AMDHD2: variants seen among roughly 807,000 people sequenced by gnomAD.
AMDHD2 encodes N-acetylglucosamine-6-phosphate deacetylase.
Under a neutral mutation model 41.8 loss-of-function variants are expected in AMDHD2, and 24 were observed. The ratio of observed to expected loss-of-function variants is 0.57; its 90% CI spans 0.42 to 0.81. The LOEUF is 0.81. AMDHD2 is among the 30% of genes least tolerant of loss of function. The pLI, the probability that AMDHD2 is intolerant of heterozygous loss-of-function variation, is 0.00. For missense variants in AMDHD2, 540 were observed against 588.5 expected (o/e 0.92, Z 0.85); for synonymous variants, 332 against 255.5 (o/e 1.30, Z -2.85).
chr16:2,523,973 C>A (rs553859320), intron 3 of AMDHD2, among the ~76,000 whole-genome samples: 1 of 152,230 alleles, frequency 6.6e-6, no homozygotes, highest in African/African-American at 2.4e-5. Context: ...GGCTCTTCTT[C>A]CTTAGGAAGA....
chr16:2,521,209 C>A (rs1048252037), intron 3 of AMDHD2, 86 bp downstream of exon 3: 7 of 1,409,038 alleles, frequency 5.0e-6, no homozygotes, highest in Non-Finnish European at 6.5e-6. Flanking sequence ...CACCCCCCAC[C>A]CCCAGCACGT....
Position 2,530,671 on chromosome 16 carries a change from A to G in AMDHD2, c.*1108A>G. The G allele has an allele frequency of 6.2e-7, 1 of 1,614,118 alleles. No individual in the cohort carries two copies. Among genetic ancestry groups the G allele is most frequent in the Non-Finnish European group, 8.5e-7 (1 of 1,180,006 alleles). On this transcript the variant is annotated 3_prime_UTR_variant, in exon 11 of 11. Coordinates refer to ENST00000293971, the MANE Select transcript of AMDHD2 (RefSeq NM_001330449.2). Reference sequence around the variant, plus strand: ...AAAGCCCAGTTAAGGAAATGTCTCCAGGTCCAAAGAGATAGGATGGTCTGG... The same window carrying G: ...AAAGCCCAGTTAAGGAAATGTCTCCGGGTCCAAAGAGATAGGATGGTCTGG...
At chr16:2,522,050 C>T (rs903100440) in intron 3 of AMDHD2, among the ~76,000 whole-genome samples, 1 of 152,078 alleles carries the variant, frequency 6.6e-6, no homozygotes, top group South Asian at 2.1e-4. Context: ...TCCCAAAGTG[C>T]TGGGATTACA....
At chr16:2,524,890 G>A (rs1287948713) in intron 3 of AMDHD2, among the ~76,000 whole-genome samples, 2 of 151,754 alleles carry the variant, frequency 1.3e-5, no homozygotes, top group African/African-American at 4.8e-5. Flanking sequence ...ATTGTGATGA[G>A]AATACCTGTG....
In AMDHD2 at chr16:2,527,983, T is replaced by C; in HGVS notation, c.626T>C (p.Leu209Pro). The C allele has an allele frequency of 6.2e-7, 1 of 1,606,352 alleles. No homozygotes were observed. The highest frequency in any genetic ancestry group is 1.1e-5 in the South Asian group (1 of 91,024). The change falls in exon 5 of 11, where the codon CTA becomes CCA. Residue 209 changes from leucine (L) to proline (P), a missense_variant and splice_region_variant. Transcript: ENST00000293971. This position sits in a 1 kb window ranked among gnomAD's most constrained non-coding sequence, Gnocchi z 6.1. Reference protein sequence around the residue: ...ALTARGICVSLGHSVADLRAA... With the variant: ...ALTARGICVSPGHSVADLRAA... ...ACGGCCCGTGGCATCTGCGTGTCCC[T>C]AGGTGAGGGGCCGGCTCGGGGTGGG... is the stretch of plus-strand genomic sequence containing the variant.
chr16:2,526,938 CAA>C (rs948368453), intron 3 of AMDHD2: 1 of 152,238 alleles, frequency 6.6e-6, no homozygotes, highest in Admixed American at 6.6e-5. Flanking sequence ...TCCAAAAAAA[CAA>C]AAAAAGTGTT....
rs1190318533 is a variant in AMDHD2, at chr16:2,521,026, G to T, written c.263G>T (p.Gly88Val). 1 of 1,611,416 alleles carries T rather than the reference G, an allele frequency of 6.2e-7. No individual in the cohort carries two copies. The highest frequency in any genetic ancestry group is 8.5e-7 in the Non-Finnish European group (1 of 1,178,516). ...TTCTCTCAAGCCACGGAGGACGTGG[G>T]TTCGGGGGTTGCCCTCGTGGCCCGG... Reference protein sequence around the residue: ...VDFSQATEDVGSGVALVARRI... With the variant: ...VDFSQATEDVVSGVALVARRI... Residue 88 changes from glycine to valine, a missense_variant, in exon 3 of 11, where the codon GGT becomes GTT. Gly to Val is a moderately radical substitution (Grantham distance 109). Coordinates refer to ENST00000293971, the MANE Select transcript of AMDHD2 (RefSeq NM_001330449.2).
intron 10 of AMDHD2, 91 bp downstream of exon 10, chr16:2,529,186 G>A (rs2066050695): frequency 7.9e-7 from 1 of 1,265,396 alleles, no homozygotes; most frequent in Non-Finnish European, 1.1e-6. Flanking sequence ...CAGGGAGGGT[G>A]GGTCCTCCCT....
chr16:2,522,832 C>T (rs916774515), intron 3 of AMDHD2, among the ~76,000 whole-genome samples: 13 of 150,876 alleles, frequency 8.6e-5, no homozygotes, highest in African/African-American at 2.9e-4. Context: ...CTGTTTATTC[C>T]TTAGTACTTA....
rs1304254078 is a variant in AMDHD2, at chr16:2,530,005, G to A, written c.*442G>A. 8 of 734,874 alleles carry A rather than the reference G, an allele frequency of 1.1e-5. No homozygotes were observed. Among genetic ancestry groups the A allele is most frequent in the Non-Finnish European group, 1.7e-5 (8 of 470,080 alleles). 45.5% of individuals were successfully genotyped at this position (734,874 alleles called of 1,614,324 possible). A position where few individuals can be genotyped will look rare whatever the true frequency, so the allele number is the denominator to read the frequency against. On this transcript the variant is annotated 3_prime_UTR_variant, in exon 11 of 11. Coordinates refer to ENST00000293971, the MANE Select transcript of AMDHD2 (RefSeq NM_001330449.2). Reference sequence around the variant, plus strand: ...GCTGGGGGTGAAGAGCCGGCAGGAAGGGGACCAGTCACAGGGAGTGTGGAC... The same window carrying A: ...GCTGGGGGTGAAGAGCCGGCAGGAAAGGGACCAGTCACAGGGAGTGTGGAC...
In AMDHD2 at chr16:2,528,084, C is replaced by T. The variant is rs1206909593; in HGVS notation, c.653C>T (p.Ala218Val). The T allele has an allele frequency of 1.5e-5, 24 of 1,612,910 alleles. No homozygotes were observed. Among genetic ancestry groups the T allele is most frequent in the Non-Finnish European group, 1.9e-5 (23 of 1,179,884 alleles). Residue 218 changes from alanine (A) to valine (V), a missense_variant, in exon 6 of 11, where the codon GCG becomes GTG. Ala to Val is a moderately conservative substitution (Grantham distance 64, BLOSUM62 0). Transcript: ENST00000293971. ...SLGHSVADLRAAEDAVWSGAT... is the reference protein window; with the variant it reads ...SLGHSVADLRVAEDAVWSGAT... ...GGGCACTCAGTGGCTGACCTGCGGG[C>T]GGCAGAGGATGCTGTGTGGAGCGGA...
chr16:2,531,311 G>A lies in AMDHD2; in HGVS notation c.*1748G>A. On this transcript the variant is annotated 3_prime_UTR_variant, in exon 11 of 11. Coordinates refer to ENST00000293971, the MANE Select transcript of AMDHD2 (RefSeq NM_001330449.2). ...TCAGGGTGAGAGAGAGCTGGGCCAGGGAGCTGCTGCAGGATGATTTTGAGG... is the reference window on the plus strand; with the variant it reads ...TCAGGGTGAGAGAGAGCTGGGCCAGAGAGCTGCTGCAGGATGATTTTGAGG... The A allele has an allele frequency of 1.8e-6, 1 of 551,756 alleles. No homozygotes were observed. The allele number at this position is 551,756 out of a possible 1,614,324, so 34.2% of individuals were successfully genotyped here. A position where few individuals can be genotyped will look rare whatever the true frequency, so the allele number is the denominator to read the frequency against.
rs1280609046 is a variant in AMDHD2 at position 2,527,638 on chromosome 16, G to C, written c.415+23G>C. The stretch of plus-strand genomic sequence containing the variant: ...TCGGTGAGTGGCTGACCTCCTCCCC[G>C]CCCCCACCCTGGGAGGCTCCTGCGG... On this transcript the variant is annotated intron_variant, in intron 4 of 10. Transcript: ENST00000293971. This position sits in a 1 kb window ranked among gnomAD's most constrained non-coding sequence, Gnocchi z 6.1. The C allele has an allele frequency of 2.5e-6, 4 of 1,602,892 alleles. No individual in the cohort carries two copies. In the East Asian group the frequency reaches 9.0e-5, roughly 36 times the overall value.
chr16:2,523,673 C>T (rs1287975455), intron 3 of AMDHD2, among the ~76,000 whole-genome samples: 1 of 152,216 alleles, frequency 6.6e-6, no homozygotes, highest in Non-Finnish European at 1.5e-5. Flanking sequence ...CAACTGGCAC[C>T]TGGTTCTCAC....
Position 2,527,407 on chromosome 16 carries a change from T to A in AMDHD2, c.361-154T>A, listed in dbSNP as rs2066017355. On this transcript the variant is annotated intron_variant, in intron 3 of 10. Coordinates refer to ENST00000293971, the MANE Select transcript of AMDHD2 (RefSeq NM_001330449.2). The surrounding 1 kb of genome is among the most constrained non-coding windows in gnomAD (Gnocchi z 6.1). ...CCATGGGTCCTTCAATTCTGCCGGC[T>A]GTGCTTTCCCTGACCCCTGTGAGGG... 6.6e-6 allele frequency among the ~76,000 whole-genome samples: 1 copy of A among 152,114 alleles called. No homozygotes were observed. The highest frequency in any genetic ancestry group is 2.4e-5 in the African/African-American group (1 of 41,464).
rs374729137 is a variant in AMDHD2 at position 2,521,011 on chromosome 16, C to T, written c.248C>T (p.Ala83Val). ...NGGFGVDFSQ[A>V]TEDVGSGVAL... ...GGATTTGGTGTTGACTTCTCTCAAG[C>T]CACGGAGGACGTGGGTTCGGGGGTT... The change falls in exon 3 of 11, where the codon GCC becomes GTC. Residue 83 changes from alanine to valine, a missense_variant. Ala to Val is a moderately conservative substitution (Grantham distance 64). Transcript: ENST00000293971. 1.9e-6 allele frequency: 3 copies of T among 1,609,314 alleles called. No individual in the cohort carries two copies. The highest frequency in any genetic ancestry group is 1.1e-5 in the South Asian group (1 of 90,358).
At chr16:2,528,840 CT>C in intron 9 of AMDHD2, 122 bp downstream of exon 9, 1 of 1,543,792 alleles carries the variant, frequency 6.5e-7, no homozygotes, top group Non-Finnish European at 8.8e-7. Flanking sequence ...GCATTGGGTA[CT>C]TGGTGACTCA....
At chr16:2,528,417 C>G (rs1567132483) in intron 7 of AMDHD2, 35 bp from the exon 8 acceptor site, 1 of 1,612,730 alleles carries the variant, frequency 6.2e-7, no homozygotes, top group Non-Finnish European at 8.5e-7. Context: ...GGTAGGATGA[C>G]TGGGCTAGCA....
intron 3 of AMDHD2, among the ~76,000 whole-genome samples, chr16:2,522,091 G>A (rs1270388068): frequency 6.6e-6 from 1 of 151,902 alleles, no homozygotes; most frequent in South Asian, 2.1e-4. Context: ...GCCAGTTTTT[G>A]TTATTTTTAA....
Sources: gnomAD v4.1 joint callset for allele counts (sites outside exome capture counted in the v4.1 genomes callset) on GRCh38, gnomAD v4.1.1 for gene constraint, Gnocchi (gnomAD v3.1) non-coding constraint, MANE v1.5 for transcripts, NCBI Gene and HGNC (gene_info 2026-07-23, HGNC 2026-07-21) for gene names.